The following CDC42BPB variants were observed in gnomAD, a reference collection of about 807,000 sequenced individuals.
CDC42BPB encodes serine/threonine-protein kinase MRCK beta.
A neutral mutation model predicts 214.9 loss-of-function variants in CDC42BPB; 37 were observed. The ratio of observed to expected loss-of-function variants is 0.17; its 90% confidence interval spans 0.13 to 0.23. The LOEUF is 0.23. Ranked by LOEUF, CDC42BPB falls within the 10% of genes least tolerant of loss-of-function variation. The pLI is 1.00. For synonymous variants in CDC42BPB, 931 were observed against 884.0 expected (o/e 1.05, Z -0.94); for missense variants, 1,694 against 2,227.0 (o/e 0.76, Z 4.82).
intron 1 of CDC42BPB, among the ~76,000 whole-genome samples, chr14:103,015,618 T>A (rs1047916878): frequency 6.6e-6 from 1 of 152,188 alleles, no homozygotes; most frequent in African/African-American, 2.4e-5. Context: ...TTAACATGAA[T>A]AACTGCCAAC....
rs368512848 is a variant in CDC42BPB at position 102,938,357 on chromosome 14, C to T, written c.4882G>A (p.Ala1628Thr). The T allele has an allele frequency of 1.9e-6, 3 of 1,593,576 alleles. No homozygotes were observed. The highest frequency in any genetic ancestry group is 1.2e-5 in the South Asian group (1 of 86,902). The change falls in exon 35 of 37, where the codon GCT becomes ACT. Residue 1628 changes from alanine to threonine, a missense_variant. Transcript: ENST00000361246. ...TTGTTCCTGGATGGAGGCTGGCGAG[C>T]CAGGTTGGTGGGAGCGGGGCCCGGC... ...ERPGPAPTNL[A>T]RQPPSRNKPY...
chr14:103,045,266 G>C (rs1305419353), intron 1 of CDC42BPB, among the ~76,000 whole-genome samples: 5 of 152,062 alleles, frequency 3.3e-5, no homozygotes, highest in Non-Finnish European at 7.4e-5. Context: ...AATGATGAGG[G>C]GCAAGAATAT....
chr14:102,988,594 G>C (rs1004033598), intron 5 of CDC42BPB, among the ~76,000 whole-genome samples: 3 of 152,106 alleles, frequency 2.0e-5, no homozygotes, highest in African/African-American at 7.2e-5. Flanking sequence ...CAGAGGCAGA[G>C]AGAAAATGGA....
chr14:103,013,401 T>A (rs897300420), intron 1 of CDC42BPB, among the ~76,000 whole-genome samples: 3 of 152,196 alleles, frequency 2.0e-5, no homozygotes, highest in African/African-American at 7.2e-5. Context: ...TGAGACTAAT[T>A]CTGTTATTAT....
intron 1 of CDC42BPB, among the ~76,000 whole-genome samples, chr14:103,033,742 T>C (rs1189323122): frequency 6.6e-6 from 1 of 152,188 alleles, no homozygotes; most frequent in African/African-American, 2.4e-5. Flanking sequence ...CTGAGTGACA[T>C]GGGATACCAG....
In CDC42BPB at chr14:102,968,704, C is replaced by T; in HGVS notation, c.2008G>A (p.Gly670Ser). 6.2e-7 allele frequency: 1 copy of T among 1,613,930 alleles called. No homozygotes were observed. The highest frequency in any genetic ancestry group is 8.5e-7 in the Non-Finnish European group (1 of 1,180,022). The part of the protein sequence containing the change: ...ELEALKVKQG[G>S]RGAGATLEHQ... ...TCTAAGGTGGCACCCGCTCCCCGGC[C>T]TCCTTGCTTCACCTGAAGACAAAGG... is the stretch of plus-strand genomic sequence containing the variant. The change falls in exon 15 of 37, where the codon GGC becomes AGC. Residue 670 changes from glycine (G) to serine (S), a missense_variant. Physicochemically the swap from Gly to Ser is moderately conservative, Grantham distance 56 (BLOSUM62 0). Around this residue, in one of 7 missense-constraint regions of CDC42BPB, gnomAD observed 462 missense variants for 513.5 expected, o/e 0.90. Coordinates refer to ENST00000361246, the MANE Select transcript of CDC42BPB (RefSeq NM_006035.4).
In CDC42BPB at chr14:102,964,818, A is replaced by C. The variant is rs993645570; in HGVS notation, c.2578-168T>G. On this transcript the variant is annotated intron_variant, in intron 18 of 36. Transcript: ENST00000361246. ...GGAGTTTTAGTTTTGATATTTTATG[A>C]CTTTTTTTACTCTTCCTCAGAAATC... The C allele has an allele frequency of 5.4e-6, 5 of 929,158 alleles. No homozygotes were observed. The African/African-American group carries it at 8.9e-5, about 17-fold the overall frequency. 57.6% of individuals were successfully genotyped at this position (929,158 alleles called of 1,614,324 possible). A position where few individuals can be genotyped will look rare whatever the true frequency, so the allele number is the denominator to read the frequency against.
intron 1 of CDC42BPB, among the ~76,000 whole-genome samples, chr14:103,029,045 G>C (rs144245659): frequency 9.9e-5 from 15 of 152,196 alleles, no homozygotes; most frequent in Non-Finnish European, 1.9e-4. Context: ...TAGTCAATAT[G>C]TCAGGAATAC....
At chr14:103,039,332 C>G (rs879827376) in intron 1 of CDC42BPB, among the ~76,000 whole-genome samples, 1 of 123,536 alleles carries the variant, frequency 8.1e-6, no homozygotes, top group Admixed American at 7.8e-5. Context: ...GGAAAGAAAA[C>G]TAGAATCAAT....
At chr14:102,986,014 A>G (rs1894231383) in intron 6 of CDC42BPB, among the ~76,000 whole-genome samples, 1 of 152,232 alleles carries the variant, frequency 6.6e-6, no homozygotes, top group African/African-American at 2.4e-5. Flanking sequence ...TGGCCCCGTA[A>G]CACTGAGCAC....
rs1277764660 is a variant in CDC42BPB at position 103,001,098 on chromosome 14, C to T, written c.448-1385G>A. ...AATCTTTACCAGCAAACTCTCATCC[C>T]TTCCAAGCCTCTCCACAGCTGTCCC... On this transcript the variant is annotated intron_variant, in intron 4 of 36. Transcript: ENST00000361246. This position sits in a 1 kb window ranked among gnomAD's most constrained non-coding sequence, Gnocchi z 5.8. 6.6e-6 allele frequency among the ~76,000 whole-genome samples: 1 copy of T among 152,218 alleles called. No individual in the cohort carries two copies. The highest frequency in any genetic ancestry group is 1.5e-5 in the Non-Finnish European group (1 of 68,030).
intron 5 of CDC42BPB, among the ~76,000 whole-genome samples, chr14:102,998,854 G>A (rs1211498952): frequency 6.6e-6 from 1 of 152,154 alleles, no homozygotes; most frequent in Non-Finnish European, 1.5e-5. Context: ...ATTTCAGGGT[G>A]GTAAGGACAG....
At chr14:102,975,500 G>T (rs34318352) in intron 11 of CDC42BPB, among the ~76,000 whole-genome samples, 184 bp downstream of exon 11, 7,198 of 152,234 alleles carry the variant, frequency 0.047, 180 homozygotes, top group Middle Eastern at 0.075. Flanking sequence ...TCCAGCCTGG[G>T]TGACAAAAGT....
chr14:102,954,000 A>G (rs1029938378), intron 23 of CDC42BPB, among the ~76,000 whole-genome samples, 198 bp downstream of exon 23: 19 of 152,248 alleles, frequency 1.2e-4, no homozygotes, highest in Admixed American at 1.2e-3. Flanking sequence ...ATCATTAAGA[A>G]AACACAGGGT....
intron 1 of CDC42BPB, among the ~76,000 whole-genome samples, chr14:103,029,402 G>T (rs1468320309): frequency 2.0e-5 from 3 of 151,870 alleles, no homozygotes; most frequent in Non-Finnish European, 1.5e-5. Context: ...AATTAGCTGG[G>T]CGTGGTGGCA....
At chr14:103,007,269 T>C (rs540927628) in intron 3 of CDC42BPB, among the ~76,000 whole-genome samples, 10 of 152,040 alleles carry the variant, frequency 6.6e-5, no homozygotes, top group Non-Finnish European at 7.4e-5. Context: ...CTGGGTGCCA[T>C]AGCAGGGAAA....
intron 1 of CDC42BPB, among the ~76,000 whole-genome samples, chr14:103,054,004 C>T (rs982095035): frequency 6.6e-6 from 1 of 151,788 alleles, no homozygotes; most frequent in Non-Finnish European, 1.5e-5. Flanking sequence ...CCATGCCCAG[C>T]TAATTTTTAT....
At chr14:102,985,879 C>G (rs181210865) in intron 6 of CDC42BPB, among the ~76,000 whole-genome samples, 1 of 152,254 alleles carries the variant, frequency 6.6e-6, no homozygotes, top group African/African-American at 2.4e-5. Flanking sequence ...TCAGGCTACT[C>G]GGCCATGACG....
At chr14:102,981,519 G>A (rs897401817) in intron 7 of CDC42BPB, among the ~76,000 whole-genome samples, 28 of 152,172 alleles carry the variant, frequency 1.8e-4, no homozygotes, top group Admixed American at 4.6e-4. Flanking sequence ...AGTGACTCAC[G>A]CCTGTAATCC....
Sources: allele counts gnomAD v4.1 joint callset (sites outside exome capture counted in the v4.1 genomes callset), GRCh38; gene constraint gnomAD v4.1.1; regional missense constraint gnomAD v4.1.1; non-coding constraint Gnocchi (gnomAD v3.1); transcripts MANE v1.5; gene names NCBI Gene and HGNC (gene_info 2026-07-23, HGNC 2026-07-21).